ALG12: variants seen among roughly 807,000 people sequenced by gnomAD.
ALG12 encodes the protein dol-P-Man:Man(7)GlcNAc(2)-PP-Dol alpha-1,6-mannosyltransferase.
A neutral mutation model predicts 46.0 loss-of-function variants in ALG12; 36 were observed. The observed-to-expected ratio is 0.78, with a 90% confidence interval of 0.60 to 1.03. The LOEUF is 1.03. ALG12 is among the 50% of genes least tolerant of loss of function. ALG12 has a pLI of 0.00. For missense variants in ALG12, 599 were observed against 633.5 expected (o/e 0.95, Z 0.58); for synonymous variants, 326 against 291.6 (o/e 1.12, Z -1.20).
chr22:49,861,493 G>A, the ALG12 span, among the ~76,000 whole-genome samples: 1 of 151,926 alleles, frequency 6.6e-6, no homozygotes. Flanking sequence ...GAGTGCAGTG[G>A]CCTGATCTTG....
the ALG12 span, among the ~76,000 whole-genome samples, chr22:49,874,665 G>A: frequency 1.5e-5 from 1 of 65,132 alleles, no homozygotes; most frequent in South Asian, 5.2e-4. Context: ...GAACCACCAT[G>A]CCCAGCCTTT....
chr22:49,906,524 C>T lies in ALG12; in HGVS notation c.992+1197G>A, dbSNP rs1224112580. Among the ~76,000 whole-genome samples, 2 of 152,178 alleles carry T rather than the reference C, an allele frequency of 1.3e-5. No homozygotes were observed. Among genetic ancestry groups the T allele is most frequent in the South Asian group, 2.1e-4 (1 of 4,834 alleles). ...CCAGAGGAGCTCCCAGGCCCGAGGGCAGTGCGGGGCAGTCGGAGCTGGGGG... is the reference window on the plus strand; with the variant it reads ...CCAGAGGAGCTCCCAGGCCCGAGGGTAGTGCGGGGCAGTCGGAGCTGGGGG... On this transcript the variant is annotated intron_variant, in intron 7 of 9. Coordinates refer to ENST00000330817, the MANE Select transcript of ALG12 (RefSeq NM_024105.4). The surrounding 1 kb of genome is among the most constrained non-coding windows in gnomAD (Gnocchi z 4.4).
the ALG12 span, among the ~76,000 whole-genome samples, chr22:49,893,476 A>G: frequency 6.6e-6 from 1 of 152,230 alleles, no homozygotes; most frequent in African/African-American, 2.4e-5. Flanking sequence ...ACTCTCTAAA[A>G]CAAATAGTTG....
the ALG12 span, chr22:49,884,767 C>G: frequency 1.2e-6 from 2 of 1,601,648 alleles, no homozygotes; most frequent in Non-Finnish European, 1.7e-6. Context: ...GGAGGGGGAG[C>G]TCAGCTCTGT....
the ALG12 span, chr22:49,884,715 G>C: frequency 1.3e-6 from 2 of 1,597,024 alleles, no homozygotes; most frequent in Non-Finnish European, 1.7e-6. Context: ...TCCCGCCACT[G>C]TACTCCACCC....
chr22:49,864,856 C>T, the ALG12 span, among the ~76,000 whole-genome samples: 1 of 143,466 alleles, frequency 7.0e-6, no homozygotes, highest in South Asian at 2.2e-4. Flanking sequence ...ATTAAACCGT[C>T]GTAGAGCTGA....
the ALG12 span, among the ~76,000 whole-genome samples, chr22:49,879,271 C>T: frequency 6.6e-6 from 1 of 151,074 alleles, no homozygotes; most frequent in African/African-American, 2.4e-5. Flanking sequence ...ATTACAGGCA[C>T]GCGCCACCAC....
rs1016556939 is a variant in ALG12, at chr22:49,906,503, A to G, written c.992+1218T>C. ...AGCGAGGAACAGTCACGGCAGCCAG[A>G]GGAGCTCCCAGGCCCGAGGGCAGTG... On this transcript the variant is annotated intron_variant, in intron 7 of 9. Transcript: ENST00000330817. This position sits in a 1 kb window ranked among gnomAD's most constrained non-coding sequence, Gnocchi z 4.4. 6.6e-6 allele frequency among the ~76,000 whole-genome samples: 1 copy of G among 152,134 alleles called. No individual in the cohort carries two copies. Among genetic ancestry groups the G allele is most frequent in the African/African-American group, 2.4e-5 (1 of 41,430 alleles).
chr22:49,872,857 C>T, the ALG12 span, among the ~76,000 whole-genome samples: 148 of 152,186 alleles, frequency 9.7e-4, no homozygotes, highest in Non-Finnish European at 1.6e-3. Flanking sequence ...AGGCACCTGC[C>T]GGCTAATTTT....
chr22:49,885,943 T>G, the ALG12 span: 1 of 767,582 alleles, frequency 1.3e-6, no homozygotes, highest in South Asian at 1.5e-5. Context: ...CCGGCCGCGC[T>G]GTGACGACCA....
rs9616204 is a variant in ALG12, at chr22:49,909,882, T to C, written c.664+12A>G. On this transcript the variant is annotated intron_variant, in intron 5 of 9. Coordinates refer to ENST00000330817, the MANE Select transcript of ALG12 (RefSeq NM_024105.4). ...AAATCCAGTTAGAAGCATCCCACAG[T>C]GACTGACTTACCTAAACAGAGGATC... 342,180 of 1,613,118 alleles carry C rather than the reference T, an allele frequency of 0.21. 39,987 individuals are homozygous for C. Among genetic ancestry groups the C allele is most frequent in the South Asian group, 0.41 (37,224 of 91,048 alleles).
downstream of ALG12, among the ~76,000 whole-genome samples, chr22:49,897,426 T>C (rs930104819): frequency 6.6e-6 from 1 of 152,196 alleles, no homozygotes; most frequent in Admixed American, 6.5e-5. Flanking sequence ...GCAGCTACAC[T>C]GGTTTGCATT....
At chr22:49,862,671 C>T in the ALG12 span, among the ~76,000 whole-genome samples, 1 of 129,948 alleles carries the variant, frequency 7.7e-6, no homozygotes, top group Non-Finnish European at 1.6e-5. Flanking sequence ...CTGAGTACCT[C>T]TAAATATTAG....
At chr22:49,904,130 G>C in intron 9 of ALG12, 49 bp downstream of exon 9, 1 of 1,614,114 alleles carries the variant, frequency 6.2e-7, no homozygotes, top group East Asian at 2.2e-5. Flanking sequence ...CCGCCCCCAA[G>C]GGGCCCTCAC....
the ALG12 span, among the ~76,000 whole-genome samples, chr22:49,894,598 G>A: frequency 6.6e-6 from 1 of 152,210 alleles, no homozygotes; most frequent in African/African-American, 2.4e-5. Flanking sequence ...CAAGTGGTGA[G>A]GTTAATGGGA....
chr22:49,902,218 G>T lies in ALG12; in HGVS notation c.*1620C>A. The T allele has an allele frequency of 7.3e-6, 1 of 137,872 alleles. No homozygotes were observed. Among genetic ancestry groups the T allele is most frequent in the African/African-American group, 2.9e-5 (1 of 34,768 alleles). The allele number at this position is 137,872 out of a possible 1,614,324, so 8.5% of individuals were successfully genotyped here. On this transcript the variant is annotated 3_prime_UTR_variant, in exon 10 of 10. Transcript: ENST00000330817. ...GGTGTGTGCACATGTGCACTGTGTG[G>T]TGTGTATGCATGGTGTGTGCACGTG... is the stretch of plus-strand genomic sequence containing the variant.
the ALG12 span, chr22:49,886,239 G>T: frequency 1.0e-6 from 1 of 988,022 alleles, no homozygotes; most frequent in Non-Finnish European, 1.6e-6. This position sits in a 1 kb window ranked among gnomAD's most constrained non-coding sequence, Gnocchi z 7.7. Flanking sequence ...TCTGCGAGCG[G>T]GTGCACCGGT....
At chr22:49,896,598 A>G (rs2060484321), downstream of ALG12, among the ~76,000 whole-genome samples, 3 of 151,920 alleles carry the variant, frequency 2.0e-5, no homozygotes, top group African/African-American at 7.2e-5. Context: ...TTTCCTGTCA[A>G]CATTTACCTT....
At chr22:49,911,838 C>T (rs1601825281) in intron 3 of ALG12, among the ~76,000 whole-genome samples, 1 of 152,196 alleles carries the variant, frequency 6.6e-6, no homozygotes, top group Non-Finnish European at 1.5e-5. Context: ...AAACAATTCA[C>T]AGACCCCAGC....
Sources: gnomAD v4.1 joint callset for allele counts (sites outside exome capture counted in the v4.1 genomes callset) on GRCh38, gnomAD v4.1.1 for gene constraint, Gnocchi (gnomAD v3.1) non-coding constraint, MANE v1.5 for transcripts, NCBI Gene and HGNC (gene_info 2026-07-23, HGNC 2026-07-21) for gene names.